VRK2: variants seen among roughly 807,000 people sequenced by gnomAD.
VRK2 encodes VRK serine/threonine kinase 2.
Under a neutral mutation model 57.6 loss-of-function variants are expected in VRK2, and 60 were observed. That is an observed-to-expected ratio of 1.04 (90% CI 0.85 to 1.29). VRK2 has a LOEUF of 1.29. VRK2 is among the 50% of genes most tolerant of loss of function. The pLI, the probability that VRK2 is intolerant of heterozygous loss-of-function variation, is 0.00. For synonymous variants in VRK2, 231 were observed against 199.2 expected (o/e 1.16, Z -1.35); for missense variants, 705 against 588.1 (o/e 1.20, Z -2.06).
intron 12 of VRK2, among the ~76,000 whole-genome samples, chr2:58,159,007 C>A (rs1279679821): frequency 1.3e-5 from 2 of 152,022 alleles, no homozygotes; most frequent in Admixed American, 1.3e-4. Context: ...GCTATCTTAC[C>A]CCCTTAAGAT....
At chr2:58,040,242 A>G (rs1332854087) in intron 3 of VRK2, among the ~76,000 whole-genome samples, 1 of 152,188 alleles carries the variant, frequency 6.6e-6, no homozygotes, top group Non-Finnish European at 1.5e-5. Context: ...ACTCATTTCT[A>G]GATCCACAGA....
At chr2:58,137,202 C>CATATATCATATATA (rs1680549626) in intron 10 of VRK2, among the ~76,000 whole-genome samples, 1 of 27,328 alleles carries the variant, frequency 3.7e-5, no homozygotes, top group African/African-American at 1.7e-4. Context: ...ACATATATAT[C>CATATATCATATATA]TCATATATGA....
At chr2:58,155,339 C>A (rs1478990826) in intron 12 of VRK2, among the ~76,000 whole-genome samples, 3 of 152,150 alleles carry the variant, frequency 2.0e-5, no homozygotes, top group African/African-American at 7.2e-5. Flanking sequence ...GTTGCTGTTG[C>A]TCTGATGTTT....
chr2:58,099,765 A>G (rs1246928056), intron 7 of VRK2, among the ~76,000 whole-genome samples: 1 of 152,082 alleles, frequency 6.6e-6, no homozygotes, highest in African/African-American at 2.4e-5. Context: ...GTGGACTAAG[A>G]GTCAAGAGAC....
At chr2:58,097,923 C>T (rs1271501852) in intron 7 of VRK2, among the ~76,000 whole-genome samples, 1 of 151,786 alleles carries the variant, frequency 6.6e-6, no homozygotes, top group Non-Finnish European at 1.5e-5. Context: ...GTAAAACAGC[C>T]TCACACAGGC....
rs201080071 is a variant in VRK2, at chr2:58,118,975, G to C, written c.544-4126G>C. The stretch of plus-strand genomic sequence containing the variant: ...AGGGTTAATCACTCAGTTAAGGTGG[G>C]GCAGGAACAAATCACAGTGGTGGAA... On this transcript the variant is annotated intron_variant, in intron 7 of 12. Transcript: ENST00000340157. Among the ~76,000 whole-genome samples, 88 of 152,238 alleles carry C rather than the reference G, an allele frequency of 5.8e-4. 1 individual carries two copies. In the East Asian group the frequency reaches 0.015, roughly 26 times the overall value.
At chr2:58,006,065 G>A (rs564157338) in intron 1 of VRK2, among the ~76,000 whole-genome samples, 1 of 152,260 alleles carries the variant, frequency 6.6e-6, no homozygotes, top group African/African-American at 2.4e-5. Context: ...CATCCCCCTA[G>A]AGGTAAGGTA....
At chr2:58,135,067 G>T in intron 9 of VRK2, 74 bp from the exon 10 acceptor site, 2 of 1,526,970 alleles carry the variant, frequency 1.3e-6, no homozygotes, top group Non-Finnish European at 1.8e-6. Flanking sequence ...AACACATAGA[G>T]TGTTTTGTTT....
rs552838773 is a variant in VRK2 at position 57,917,130 on chromosome 2, T to A, written c.-439+9291T>A. Among the ~76,000 whole-genome samples the A allele has an allele frequency of 3.5e-4, 53 of 152,308 alleles. No individual in the cohort carries two copies. In the South Asian group the frequency reaches 3.9e-3, roughly 11 times the overall value. ...GGTCAGGAAGTCATTTATGCCTTAATGTTGATTAATAATCCATGTATCTAG... is the reference window on the plus strand; with the variant it reads ...GGTCAGGAAGTCATTTATGCCTTAAAGTTGATTAATAATCCATGTATCTAG... On this transcript the variant is annotated intron_variant, in intron 1 of 15. Coordinates refer to the VRK2 transcript ENST00000417641.
In VRK2 at chr2:57,944,092, C is replaced by A. The variant is rs1487860500; in HGVS notation, c.-439+36253C>A. 5.3e-5 allele frequency among the ~76,000 whole-genome samples: 8 copies of A among 151,648 alleles called. No individual in the cohort carries two copies. In the Admixed American group the frequency reaches 5.3e-4, roughly 10 times the overall value. On this transcript the variant is annotated intron_variant, in intron 1 of 15. Coordinates refer to the VRK2 transcript ENST00000417641. ...CAAACAGAACAACAACAAAAAAAAACCTTTATGAGCTTGAACAAAATCAAT... is the reference window on the plus strand; with the variant it reads ...CAAACAGAACAACAACAAAAAAAAAACTTTATGAGCTTGAACAAAATCAAT...
intron 8 of VRK2, among the ~76,000 whole-genome samples, chr2:58,125,703 A>T (rs1268765268): frequency 2.0e-5 from 3 of 152,134 alleles, no homozygotes; most frequent in Non-Finnish European, 4.4e-5. Context: ...ATATATATAT[A>T]TGTAGATACA....
In VRK2 at chr2:58,057,765, A is replaced by G. The variant is rs138111508; in HGVS notation, c.136+8798A>G. On this transcript the variant is annotated intron_variant, in intron 2 of 12. Transcript: ENST00000340157. ...TTGTACATAGTCAGAAGCTTTTGTTATGGTTTCTGGGCAGGGGTATTTTAT... is the reference window on the plus strand; with the variant it reads ...TTGTACATAGTCAGAAGCTTTTGTTGTGGTTTCTGGGCAGGGGTATTTTAT... 6.5e-3 allele frequency among the ~76,000 whole-genome samples: 996 copies of G among 152,154 alleles called. 10 individuals are homozygous for G. Among genetic ancestry groups the G allele is most frequent in the African/African-American group, 0.022 (913 of 41,510 alleles).
intron 2 of VRK2, among the ~76,000 whole-genome samples, chr2:58,056,610 T>TGC (rs1468137008): frequency 5.8e-5 from 4 of 69,260 alleles, no homozygotes; most frequent in African/African-American, 4.4e-4. Flanking sequence ...CTAGTGTGGC[T>TGC]ACTCACCCCA....
intron 1 of VRK2, among the ~76,000 whole-genome samples, chr2:57,977,550 G>A (rs533797769): frequency 5.5e-5 from 8 of 144,988 alleles, no homozygotes; most frequent in African/African-American, 8.6e-5. Flanking sequence ...AAATGCTACC[G>A]ATTTTTGTAC....
At chr2:58,098,634 A>C (rs552948178) in intron 7 of VRK2, among the ~76,000 whole-genome samples, 35 of 152,080 alleles carry the variant, frequency 2.3e-4, no homozygotes, top group Non-Finnish European at 4.3e-4. Context: ...AAGTTGTACC[A>C]TATAGCCTAG....
At chr2:58,139,454 T>G (rs963575751) in intron 10 of VRK2, among the ~76,000 whole-genome samples, 2 of 152,116 alleles carry the variant, frequency 1.3e-5, no homozygotes, top group African/African-American at 4.8e-5. Flanking sequence ...TTAAAAACAT[T>G]ACTAGTTTGT....
chr2:57,919,942 C>A (rs1372872309), intron 1 of VRK2, among the ~76,000 whole-genome samples: 1 of 152,026 alleles, frequency 6.6e-6, no homozygotes. Context: ...ATTCATTCCT[C>A]ATTAATATGC....
chr2:58,083,991 A>G, intron 2 of VRK2, 98 bp from the exon 3 acceptor site: 1 of 1,280,954 alleles, frequency 7.8e-7, no homozygotes, highest in Non-Finnish European at 1.1e-6. Context: ...TAATAAACTT[A>G]CATATGTAAA....
In VRK2 at chr2:58,084,928, G is replaced by T. The variant is rs1671409149; in HGVS notation, c.234G>T (p.Gln78His). Residue 78 changes from glutamine (Q) to histidine (H), a missense_variant, in exon 4 of 13, where the codon CAG (glutamine) becomes CAT (histidine). By Grantham distance (24) the Gln-to-His change is conservative. Transcript: ENST00000340157. ...GPLFSELKFY[Q>H]RVAKKDCIKK... ...TATTTTCAGAACTTAAATTTTATCA[G>T]AGAGTTGCAAAAAAAGACTGTAGTA... The T allele has an allele frequency of 6.3e-7, 1 of 1,588,560 alleles. No homozygotes were observed. The highest frequency in any genetic ancestry group is 8.6e-7 in the Non-Finnish European group (1 of 1,168,086).
Sources: allele counts gnomAD v4.1 joint callset (sites outside exome capture counted in the v4.1 genomes callset), GRCh38; gene constraint gnomAD v4.1.1; transcripts MANE v1.5; gene names NCBI Gene and HGNC (gene_info 2026-07-23, HGNC 2026-07-21).